The following POLA2 variants were observed in gnomAD, a reference collection of about 807,000 sequenced individuals.
POLA2 encodes DNA polymerase alpha 2, accessory subunit, also known as DNA polymerase alpha subunit B.
In POLA2, 47 loss-of-function variants were observed where a neutral mutation model predicts 82.8. The observed-to-expected ratio is 0.57, with a 90% CI of 0.45 to 0.72. POLA2 has a LOEUF of 0.72. Among genes scored for constraint, POLA2 ranks in the 30% least tolerant of loss-of-function variants. The probability of loss-of-function intolerance (pLI) is 0.00; values close to 1 mark genes in which losing one functional copy is unlikely to be tolerated. For missense variants in POLA2, 634 were observed against 728.1 expected (o/e 0.87, Z 1.49); for synonymous variants, 287 against 286.8 (o/e 1.00, Z -0.01).
At chr11:65,267,606 A>G (rs775718711) in intron 3 of POLA2, 38 bp downstream of exon 3, 1 of 1,283,454 alleles carries the variant, frequency 7.8e-7, no homozygotes, top group Non-Finnish European at 1.1e-6. Flanking sequence ...ACCAAGCTAC[A>G]TGTTGTATTT....
intron 8 of POLA2, among the ~76,000 whole-genome samples, chr11:65,304,608 A>T (rs1481968897): frequency 2.0e-5 from 3 of 152,220 alleles, no homozygotes; most frequent in South Asian, 4.1e-4. Context: ...AGGTGACCCA[A>T]CATCAATGGG....
intron 3 of POLA2, 149 bp downstream of exon 3, chr11:65,267,717 A>G (rs1283008777): frequency 7.8e-6 from 4 of 511,974 alleles, no homozygotes; most frequent in Non-Finnish European, 1.4e-5. Flanking sequence ...GGCCGAGGCA[A>G]GCAGATCACT....
At chr11:65,299,644 G>A (rs1184971556), downstream of POLA2, among the ~76,000 whole-genome samples, 1 of 152,164 alleles carries the variant, frequency 6.6e-6, no homozygotes, top group Non-Finnish European at 1.5e-5. Context: ...GCTCAACCTG[G>A]CCTTGCTGCT....
rs554278831 is a variant in POLA2, at chr11:65,284,673, G to A, written c.1006+2152G>A. Among the ~76,000 whole-genome samples, 69 of 152,108 alleles carry A rather than the reference G, an allele frequency of 4.5e-4. No individual in the cohort carries two copies. In the South Asian group the frequency reaches 0.014, roughly 31 times the overall value. ...CCCAAGTAGCTGGGATTACAGGCAT[G>A]CACCTGTAATGCCTGGCTAATTTTT... is the stretch of plus-strand genomic sequence containing the variant. On this transcript the variant is annotated intron_variant, in intron 10 of 17. Transcript: ENST00000265465.
chr11:65,265,257 C>G (rs907883789), intron 1 of POLA2, among the ~76,000 whole-genome samples: 1 of 151,544 alleles, frequency 6.6e-6, no homozygotes, highest in Non-Finnish European at 1.5e-5. Flanking sequence ...GCCTTGCCAT[C>G]TTTAAATATT....
At chr11:65,291,787 C>G (rs1177975051) in intron 13 of POLA2, among the ~76,000 whole-genome samples, 1 of 152,228 alleles carries the variant, frequency 6.6e-6, no homozygotes, top group African/African-American at 2.4e-5. Context: ...GAGCCCAGCA[C>G]CACCAGGCAC....
At chr11:65,275,379 A>AG (rs1949566205) in intron 4 of POLA2, among the ~76,000 whole-genome samples, 1 of 152,024 alleles carries the variant, frequency 6.6e-6, no homozygotes, top group South Asian at 2.1e-4. Context: ...AAAAAAAAAA[A>AG]AAAAAAAGGA....
intron 4 of POLA2, among the ~76,000 whole-genome samples, chr11:65,274,373 G>GA (rs997829122): frequency 1.8e-3 from 253 of 141,626 alleles, no homozygotes; most frequent in African/African-American, 5.5e-3. Context: ...TTCCGTCTCG[G>GA]AAAAAAAAAA....
At chr11:65,294,674 C>T in intron 15 of POLA2, 22 bp downstream of exon 15, 1 of 1,517,444 alleles carries the variant, frequency 6.6e-7, no homozygotes, top group African/African-American at 1.4e-5. Flanking sequence ...GTTCCAGGCC[C>T]CAAGCAGGAT....
At chr11:65,288,170 T>C (rs1318489261) in intron 11 of POLA2, among the ~76,000 whole-genome samples, 1 of 152,118 alleles carries the variant, frequency 6.6e-6, no homozygotes, top group Non-Finnish European at 1.5e-5. Flanking sequence ...TAGCTGGGCA[T>C]GGTGGCAGGC....
chr11:65,273,424 G>C (rs893929485), intron 4 of POLA2, among the ~76,000 whole-genome samples: 9 of 152,228 alleles, frequency 5.9e-5, no homozygotes, highest in African/African-American at 2.2e-4. Context: ...ACTGGTACTG[G>C]AGTTGGTGAA....
downstream of POLA2, among the ~76,000 whole-genome samples, chr11:65,303,078 G>C (rs1352577601): frequency 6.6e-6 from 1 of 152,050 alleles, no homozygotes; most frequent in African/African-American, 2.4e-5. Context: ...CGCGGTGGCT[G>C]ACGCCTGTAA....
intron 7 of POLA2, chr11:65,280,675 G>A: frequency 3.1e-6 from 1 of 324,650 alleles, no homozygotes. Flanking sequence ...AAGATGCAGT[G>A]GGCTGCCCTG....
At position 65,297,497 on chromosome 11, in the gene POLA2, C is replaced by T. The variant is rs979652120; in HGVS notation, c.*228C>T. The T allele has an allele frequency of 2.7e-5, 11 of 410,572 alleles. No individual in the cohort carries two copies. The South Asian group carries it at 3.9e-4, about 15-fold the overall frequency. 25.4% of individuals were successfully genotyped at this position (410,572 alleles called of 1,614,324 possible). On this transcript the variant is annotated 3_prime_UTR_variant, in exon 18 of 18. Transcript: ENST00000265465. ...AGCTCTTGCTTCTCAGTCCATGCTC[C>T]GTGTCCAGAAGTAAGCCAGCTGTGG...
chr11:65,294,636 G>C lies in POLA2; in HGVS notation c.1444G>C (p.Ala482Pro), dbSNP rs753070022. Residue 482 changes from alanine to proline, a missense_variant, in exon 15 of 18, where the codon GCC (alanine) becomes CCC (proline). Transcript: ENST00000265465. ...CACAGATCTGCTTTTCCACCTGGGG[G>C]CCGAGGAGATCAGTAGGTAAGAAGT... ...TSTDLLFHLG[A>P]EEISSSSGTS... 2 of 1,613,240 alleles carry C rather than the reference G, an allele frequency of 1.2e-6. No homozygotes were observed.
chr11:65,267,162 C>T (rs571191056), intron 2 of POLA2, among the ~76,000 whole-genome samples: 72 of 151,976 alleles, frequency 4.7e-4, no homozygotes, highest in Admixed American at 3.3e-3. Flanking sequence ...GCTGAGATTG[C>T]GCCACTGCAC....
chr11:65,301,186 AG>A (rs1949857566), downstream of POLA2, among the ~76,000 whole-genome samples: 1 of 151,926 alleles, frequency 6.6e-6, no homozygotes, highest in South Asian at 2.1e-4. Context: ...AGGGCGAGAG[AG>A]GGGTAAAAGA....
At chr11:65,291,722 T>C (rs1339427983) in intron 13 of POLA2, among the ~76,000 whole-genome samples, 3 of 152,160 alleles carry the variant, frequency 2.0e-5, no homozygotes, top group African/African-American at 4.8e-5. Context: ...CCGTGTGGTA[T>C]TGACAGCAGT....
chr11:65,263,960 C>T (rs868048026), intron 1 of POLA2, among the ~76,000 whole-genome samples: 2 of 152,194 alleles, frequency 1.3e-5, no homozygotes, highest in Non-Finnish European at 2.9e-5. Flanking sequence ...ATGCCAGTTG[C>T]TTTCATCTCA....
Sources: gnomAD v4.1 joint callset for allele counts (sites outside exome capture counted in the v4.1 genomes callset) on GRCh38, gnomAD v4.1.1 for gene constraint, MANE v1.5 for transcripts, NCBI Gene and HGNC (gene_info 2026-07-23, HGNC 2026-07-21) for gene names.